Variants in SUCO observed in about 807,000 individuals in gnomAD.
SUCO encodes the protein SUN domain-containing ossification factor.
SUCO carries 57 observed loss-of-function variants against 148.1 expected under a neutral mutation model. The observed-to-expected ratio is 0.38, with a 90% CI of 0.31 to 0.48. The LOEUF (loss-of-function observed/expected upper bound fraction) is 0.48, where lower values mean the gene tolerates loss of function less well. Among genes scored for constraint, SUCO ranks in the 20% least tolerant of loss-of-function variants. The probability of loss-of-function intolerance (pLI) is 0.96; values close to 1 mark genes in which losing one functional copy is unlikely to be tolerated. For synonymous variants in SUCO, 470 were observed against 502.7 expected, an observed-to-expected ratio of 0.93 and a Z score of 0.87; for missense variants, 1,331 against 1,468.2, an observed-to-expected ratio of 0.91 and a Z score of 1.53.
At chr1:172,575,176 A>G (rs1055181651) in intron 10 of SUCO, among the ~76,000 whole-genome samples, 1 of 151,988 alleles carries the variant, frequency 6.6e-6, no homozygotes, top group Non-Finnish European at 1.5e-5. Context: ...TATACTTTAC[A>G]TTATTACACA....
At chr1:172,543,039 T>TA (rs368459576) in intron 1 of SUCO, 53,171 of 711,210 alleles carry the variant, frequency 0.075, 2 homozygotes, top group Non-Finnish European at 0.082. Context: ...GAAGAGTACA[T>TA]AAAAAAAAAA....
chr1:172,557,740 G>GGGC lies in SUCO; in HGVS notation c.681_683dup (p.Gly229dup). 4 of 1,610,796 alleles carry GGGC rather than the reference G, an allele frequency of 2.5e-6. No individual in the cohort carries two copies. Among genetic ancestry groups the GGGC allele is most frequent in the Middle Eastern group, 1.7e-4 (1 of 5,996 alleles). On this transcript the variant is annotated inframe_insertion, in exon 6 of 24. Coordinates refer to ENST00000263688, the MANE Select transcript of SUCO (RefSeq NM_014283.5). ...AATCAAAAGTTTCAGCAAGTGAACAGGGCGGTGGTGATCCAAAATCTGCAT... is the reference window on the plus strand; with the variant it reads ...AATCAAAAGTTTCAGCAAGTGAACAGGGCGGCGGTGGTGATCCAAAATCTGCAT...
At chr1:172,591,878 T>A (rs1004145852) in intron 19 of SUCO, among the ~76,000 whole-genome samples, 5 of 152,208 alleles carry the variant, frequency 3.3e-5, no homozygotes, top group African/African-American at 1.2e-4. Context: ...ATGGTTGAAC[T>A]AGTTTACAGT....
At chr1:172,601,952 G>T in intron 20 of SUCO, 112 bp from the exon 21 acceptor site, 1 of 1,090,086 alleles carries the variant, frequency 9.2e-7, no homozygotes, top group Non-Finnish European at 1.3e-6. Context: ...TCTGGTCTTT[G>T]AAGCACATTA....
chr1:172,611,793 CTG>C lies in SUCO; in HGVS notation c.*1537_*1538del, dbSNP rs780243989. On this transcript the variant is annotated 3_prime_UTR_variant, in exon 24 of 24. Coordinates refer to ENST00000263688, the MANE Select transcript of SUCO (RefSeq NM_014283.5). Reference sequence around the variant, plus strand: ...TACGGAGCTGTAGTGCCATTAGAAACTGTGAATTTCCAAATAAATCTGAACAC... The same window carrying C: ...TACGGAGCTGTAGTGCCATTAGAAACTGAATTTCCAAATAAATCTGAACAC... The C allele has an allele frequency of 6.5e-5, 10 of 152,724 alleles. No individual in the cohort carries two copies. Among genetic ancestry groups the C allele is most frequent in the East Asian group, 1.9e-4 (1 of 5,180 alleles). The allele number at this position is 152,724 out of a possible 1,614,324, so 9.5% of individuals were successfully genotyped here.
At chr1:172,591,129 G>T (rs563849556) in intron 19 of SUCO, 58 bp downstream of exon 19, 4 of 1,293,096 alleles carry the variant, frequency 3.1e-6, no homozygotes, top group Non-Finnish European at 4.4e-6. Flanking sequence ...ATTCTGTAGG[G>T]TCTCACTGGT....
At chr1:172,570,290 A>G in intron 8 of SUCO, 119 bp downstream of exon 8, 2 of 564,740 alleles carry the variant, frequency 3.5e-6, no homozygotes, top group South Asian at 4.3e-5. Context: ...TTCACTAATA[A>G]AAGCAGAATA....
At chr1:172,537,128 A>G (rs937179857) in intron 1 of SUCO, among the ~76,000 whole-genome samples, 2 of 152,158 alleles carry the variant, frequency 1.3e-5, no homozygotes, top group African/African-American at 4.8e-5. Flanking sequence ...AAAGAGGAAA[A>G]AAACATAATT....
At chr1:172,557,511 G>C (rs573728513) in intron 5 of SUCO, 94 bp downstream of exon 5, 15 of 1,532,676 alleles carry the variant, frequency 9.8e-6, no homozygotes, top group Non-Finnish European at 1.3e-5. Flanking sequence ...ATTCCACTTT[G>C]ATTGAGAGAA....
upstream of SUCO, chr1:172,532,564 A>G (rs377662131): frequency 2.5e-6 from 4 of 1,613,806 alleles, no homozygotes; most frequent in Admixed American, 3.3e-5. Context: ...GGCTTGGTGC[A>G]GCTTCCCTCA....
chr1:172,556,624 GTACA>G, intron 4 of SUCO: 2 of 984,684 alleles, frequency 2.0e-6, no homozygotes, highest in Non-Finnish European at 2.4e-6. Context: ...AGAATAACTG[GTACA>G]TAACTCAAGA....
chr1:172,596,813 G>C (rs1657136306), intron 19 of SUCO, among the ~76,000 whole-genome samples: 1 of 152,224 alleles, frequency 6.6e-6, no homozygotes, highest in South Asian at 2.1e-4. Flanking sequence ...TCTCTTCAAA[G>C]CTGTCAGACG....
intron 6 of SUCO, among the ~76,000 whole-genome samples, chr1:172,562,137 A>C (rs1400864630): frequency 6.6e-6 from 1 of 152,180 alleles, no homozygotes; most frequent in Non-Finnish European, 1.5e-5. Flanking sequence ...CCTCTCTCTA[A>C]GACTAAACAT....
intron 4 of SUCO, 84 bp downstream of exon 4, chr1:172,556,107 A>G (rs1653740611): frequency 2.7e-6 from 3 of 1,118,952 alleles, no homozygotes; most frequent in African/African-American, 3.1e-5. Flanking sequence ...AAGCAGCTTG[A>G]TACTCAAGTT....
rs750544967 is a variant in SUCO at position 172,533,367 on chromosome 1, C to T, written c.-69C>T. 2 of 1,551,912 alleles carry T rather than the reference C, an allele frequency of 1.3e-6. No homozygotes were observed. Among genetic ancestry groups the T allele is most frequent in the Non-Finnish European group, 1.7e-6 (2 of 1,147,112 alleles). ...CGCGCTCCTGCTCCGGCTCCTCCAT[C>T]TTGGCCTCGGCAGTGGCGGCTGCCG... On this transcript the variant is annotated 5_prime_UTR_variant, in exon 1 of 24. Coordinates refer to ENST00000263688, the MANE Select transcript of SUCO (RefSeq NM_014283.5).
In SUCO at chr1:172,585,838, G is replaced by T; in HGVS notation, c.1568-20G>T. The T allele has an allele frequency of 6.8e-7, 1 of 1,470,696 alleles. No homozygotes were observed. The highest frequency in any genetic ancestry group is 9.4e-7 in the Non-Finnish European group (1 of 1,067,938). 91.1% of individuals were successfully genotyped at this position (1,470,696 alleles called of 1,614,324 possible). The stretch of plus-strand genomic sequence containing the variant: ...AGCTTTTAAAATTGAACTCAACATT[G>T]GGCATCTTTCTTAAAATAGGAAATA... On this transcript the variant is annotated intron_variant, in intron 16 of 23. Transcript: ENST00000263688.
intron 3 of SUCO, 98 bp from the exon 4 acceptor site, chr1:172,555,771 G>A (rs1397001103): frequency 6.2e-6 from 6 of 970,518 alleles, no homozygotes; most frequent in Non-Finnish European, 8.6e-6. Flanking sequence ...TGTTTATATT[G>A]TCATTTTTCA....
intron 1 of SUCO, chr1:172,550,728 A>T (rs1466443097): frequency 1.6e-5 from 3 of 187,208 alleles, no homozygotes; most frequent in Admixed American, 6.5e-5. Flanking sequence ...TTACATATGT[A>T]TTTTCCATGT....
At chr1:172,542,650 C>A in intron 1 of SUCO, 1 of 794,120 alleles carries the variant, frequency 1.3e-6, no homozygotes, top group Non-Finnish European at 1.5e-6. Flanking sequence ...TCTAATGGCC[C>A]CCCACCCCAT....
Sources: allele counts gnomAD v4.1 joint callset (sites outside exome capture counted in the v4.1 genomes callset), GRCh38; gene constraint gnomAD v4.1.1; transcripts MANE v1.5; gene names NCBI Gene and HGNC (gene_info 2026-07-23, HGNC 2026-07-21).